The following THRB variants were observed in gnomAD, a reference collection of about 807,000 sequenced individuals.
THRB encodes the protein nuclear receptor subfamily 1 group A member 2.
THRB carries 12 observed loss-of-function variants against 47.8 expected under a neutral mutation model. The observed-to-expected ratio is 0.25, with a 90% CI of 0.16 to 0.41. The LOEUF (loss-of-function observed/expected upper bound fraction) is 0.41. Ranked by LOEUF, THRB falls within the 10% of genes least tolerant of loss-of-function variation. The pLI, the probability that THRB is intolerant of heterozygous loss-of-function variation, is 1.00. For missense variants in THRB, 348 were observed against 589.2 expected (o/e 0.59, Z 4.24); for synonymous variants, 218 against 212.2 (o/e 1.03, Z -0.24).
chr3:24,472,469 C>T (rs114187460), intron 1 of THRB, among the ~76,000 whole-genome samples: 444 of 152,308 alleles, frequency 2.9e-3, no homozygotes, highest in African/African-American at 0.01. Context: ...GTCCTGGAGA[C>T]TACTGACCCC....
At chr3:24,480,281 AGCTCTC>A (rs1205616744) in intron 1 of THRB, among the ~76,000 whole-genome samples, 1 of 152,204 alleles carries the variant, frequency 6.6e-6, no homozygotes, top group Non-Finnish European at 1.5e-5. Flanking sequence ...CTGATGTAAG[AGCTCTC>A]TGGGTCCACA....
At chr3:24,132,660 G>C (rs2034049799) in intron 9 of THRB, among the ~76,000 whole-genome samples, 1 of 152,236 alleles carries the variant, frequency 6.6e-6, no homozygotes, top group African/African-American at 2.4e-5. Flanking sequence ...GTGTCCCAAA[G>C]GGAAAGTCGA....
intron 1 of THRB, among the ~76,000 whole-genome samples, chr3:24,388,019 T>A (rs1170341883): frequency 6.6e-6 from 1 of 152,060 alleles, no homozygotes; most frequent in Non-Finnish European, 1.5e-5. Context: ...TATCTACAGC[T>A]ATGATGGGTA....
chr3:24,303,892 T>C (rs899033705), intron 2 of THRB, among the ~76,000 whole-genome samples: 4 of 152,222 alleles, frequency 2.6e-5, no homozygotes, highest in African/African-American at 9.6e-5. Context: ...GACAAATATT[T>C]CGATAGATTT....
At chr3:24,299,552 A>T (rs2056751299) in intron 2 of THRB, among the ~76,000 whole-genome samples, 1 of 151,912 alleles carries the variant, frequency 6.6e-6, no homozygotes, top group Non-Finnish European at 1.5e-5. Flanking sequence ...AAGATCAAGA[A>T]CTCTATCTGA....
chr3:24,436,721 G>A (rs2070994283), intron 1 of THRB, among the ~76,000 whole-genome samples: 1 of 152,076 alleles, frequency 6.6e-6, no homozygotes, highest in African/African-American at 2.4e-5. Context: ...CGGTGGGGTG[G>A]CCTGGAAGAT....
chr3:24,249,460 T>C (rs1041885008), intron 3 of THRB, among the ~76,000 whole-genome samples: 4 of 152,138 alleles, frequency 2.6e-5, no homozygotes, highest in African/African-American at 9.7e-5. Context: ...AATTAAACTC[T>C]TAGAGCGATA....
At chr3:24,179,567 G>T (rs2041627502) in intron 5 of THRB, among the ~76,000 whole-genome samples, 1 of 152,130 alleles carries the variant, frequency 6.6e-6, no homozygotes, top group African/African-American at 2.4e-5. Context: ...ATATAAAAAG[G>T]AATTTATAGG....
At chr3:24,453,721 G>C (rs1338841526) in intron 1 of THRB, among the ~76,000 whole-genome samples, 1 of 152,144 alleles carries the variant, frequency 6.6e-6, no homozygotes, top group African/African-American at 2.4e-5. Context: ...TGGTCTCTAA[G>C]GTGTATGTAA....
intron 9 of THRB, among the ~76,000 whole-genome samples, chr3:24,130,460 G>A (rs2033675884): frequency 6.6e-6 from 1 of 152,150 alleles, no homozygotes. Context: ...GGGGCTGGGG[G>A]GGCGGTGGCA....
chr3:24,187,460 T>A (rs1037596985), intron 5 of THRB, among the ~76,000 whole-genome samples: 1 of 152,174 alleles, frequency 6.6e-6, no homozygotes, highest in Non-Finnish European at 1.5e-5. Context: ...AGAATTAACT[T>A]TTGTATCCTC....
At chr3:24,491,487 T>C (rs531181782) in intron 1 of THRB, among the ~76,000 whole-genome samples, 1 of 152,336 alleles carries the variant, frequency 6.6e-6, no homozygotes, top group East Asian at 1.9e-4. Flanking sequence ...AGAATACTTT[T>C]ATGAAGCGGC....
intron 3 of THRB, among the ~76,000 whole-genome samples, chr3:24,253,869 C>T (rs937840596): frequency 6.6e-6 from 1 of 151,912 alleles, no homozygotes; most frequent in Non-Finnish European, 1.5e-5. Context: ...GCCCTGTCAT[C>T]TTATGAAGCT....
At chr3:24,217,926 C>T (rs188496737) in intron 4 of THRB, among the ~76,000 whole-genome samples, 6 of 152,106 alleles carry the variant, frequency 3.9e-5, no homozygotes, top group South Asian at 2.1e-4. Context: ...TCCTTTTGCC[C>T]GAATTGTTTG....
chr3:24,152,970 AAAAGAAAGAAAGAAAG>A (rs60859687), intron 5 of THRB, among the ~76,000 whole-genome samples: 30 of 120,940 alleles, frequency 2.5e-4, no homozygotes, highest in African/African-American at 7.2e-4. Context: ...CAAAAAAAAA[AAAAGAAAGAAAGAAAG>A]AAAGAAAGAA....
chr3:24,396,956 A>G (rs894801085), intron 1 of THRB, among the ~76,000 whole-genome samples: 66 of 152,248 alleles, frequency 4.3e-4, no homozygotes, highest in African/African-American at 1.6e-3. Flanking sequence ...AAAATTTACC[A>G]GTTCTTTTTT....
At chr3:24,143,759 A>C in intron 7 of THRB, 53 bp from the exon 8 acceptor site, 1 of 1,587,444 alleles carries the variant, frequency 6.3e-7, no homozygotes, top group East Asian at 2.2e-5. Context: ...CAAGATACAC[A>C]GCAAGCTGCA....
rs114308553 is a variant in THRB at position 24,383,516 on chromosome 3, A to G, written c.-260-46145T>C. The stretch of plus-strand genomic sequence containing the variant: ...AAAAAATAATTCATATAACAAAACT[A>G]CTACTTTCTTGTTGATGACACGAAA... On this transcript the variant is annotated intron_variant, in intron 1 of 10. Coordinates refer to ENST00000646209, the MANE Select transcript of THRB (RefSeq NM_001354712.2). 2.6e-3 allele frequency among the ~76,000 whole-genome samples: 389 copies of G among 152,268 alleles called. 1 individual carries two copies. The highest frequency in any genetic ancestry group is 9.1e-3 in the African/African-American group (379 of 41,574).
intron 1 of THRB, among the ~76,000 whole-genome samples, chr3:24,449,725 A>G (rs192725282): frequency 3.3e-5 from 5 of 152,304 alleles, no homozygotes. Context: ...TATATATGTG[A>G]GACTATCTTA....
Sources: allele counts gnomAD v4.1 joint callset (sites outside exome capture counted in the v4.1 genomes callset), GRCh38; gene constraint gnomAD v4.1.1; transcripts MANE v1.5; gene names NCBI Gene and HGNC (gene_info 2026-07-23, HGNC 2026-07-21).